The following AGBL4 variants were observed in gnomAD, a reference collection of about 807,000 sequenced individuals.
The protein encoded by AGBL4 is cytosolic carboxypeptidase 6.
A neutral mutation model predicts 66.4 loss-of-function variants in AGBL4; 58 were observed. The ratio of observed to expected loss-of-function variants is 0.87; its 90% CI spans 0.71 to 1.09. The LOEUF is 1.09. Among genes scored for constraint, AGBL4 ranks in the 50% least tolerant of loss-of-function variants. The pLI is 0.00. For synonymous variants in AGBL4, 234 were observed against 222.9 expected, an observed-to-expected ratio of 1.05 and a Z score of -0.44; for missense variants, 579 against 631.0, an observed-to-expected ratio of 0.92 and a Z score of 0.88.
chr1:49,861,271 C>A (rs1031305726), intron 1 of AGBL4, among the ~76,000 whole-genome samples: 1 of 152,124 alleles, frequency 6.6e-6, no homozygotes, highest in African/African-American at 2.4e-5. Context: ...GGAAGGGGCA[C>A]GTGAGATACT....
At chr1:49,539,777 A>C (rs1322445164) in intron 3 of AGBL4, among the ~76,000 whole-genome samples, 1 of 152,210 alleles carries the variant, frequency 6.6e-6, no homozygotes, top group Non-Finnish European at 1.5e-5. Context: ...AAGGCTTGCC[A>C]GAAGAGGAGC....
intron 11 of AGBL4, among the ~76,000 whole-genome samples, chr1:48,561,004 G>T (rs1043694858): frequency 6.6e-6 from 1 of 152,108 alleles, no homozygotes; most frequent in African/African-American, 2.4e-5. Context: ...TAGTGACCCT[G>T]CACCCTGGCC....
At chr1:49,616,022 C>A (rs1645243770) in intron 3 of AGBL4, among the ~76,000 whole-genome samples, 1 of 152,112 alleles carries the variant, frequency 6.6e-6, no homozygotes, top group Non-Finnish European at 1.5e-5. Flanking sequence ...TCTTTACATA[C>A]CCTTTTATAT....
At chr1:49,843,737 ACTATTCTGCCAGTCACC>A (rs919289753) in intron 2 of AGBL4, among the ~76,000 whole-genome samples, 5 of 152,210 alleles carry the variant, frequency 3.3e-5, no homozygotes, top group African/African-American at 4.8e-5. Context: ...TTGGGAAGCC[ACTATTCTGCCAGTCACC>A]CCTGGCTTAC....
intron 6 of AGBL4, among the ~76,000 whole-genome samples, chr1:48,830,181 G>T (rs925619883): frequency 1.3e-5 from 2 of 152,116 alleles, no homozygotes; most frequent in African/African-American, 2.4e-5. Context: ...TTTTTGCTGC[G>T]CCTCAGTCGT....
chr1:48,950,011 A>G (rs1656832360), intron 5 of AGBL4, among the ~76,000 whole-genome samples: 1 of 152,208 alleles, frequency 6.6e-6, no homozygotes, highest in Non-Finnish European at 1.5e-5. Context: ...TGAGTCCAGC[A>G]TATTATAACA....
intron 6 of AGBL4, among the ~76,000 whole-genome samples, chr1:48,750,169 A>G (rs1179728235): frequency 6.6e-6 from 1 of 152,122 alleles, no homozygotes; most frequent in East Asian, 1.9e-4. Context: ...CTGTTGATTG[A>G]TTTGCCTGAC....
At chr1:49,932,891 A>G (rs1653509656) in intron 1 of AGBL4, among the ~76,000 whole-genome samples, 1 of 152,194 alleles carries the variant, frequency 6.6e-6, no homozygotes, top group African/African-American at 2.4e-5. Context: ...AATAGTTTAA[A>G]AAGAGTCAAG....
At chr1:49,650,125 T>C (rs1225499419) in intron 3 of AGBL4, among the ~76,000 whole-genome samples, 3 of 152,284 alleles carry the variant, frequency 2.0e-5, no homozygotes, top group Middle Eastern at 3.4e-3. Flanking sequence ...GTTCTTTTTT[T>C]CCCCAAGATG....
At chr1:49,949,973 T>C (rs141076143) in intron 1 of AGBL4, among the ~76,000 whole-genome samples, 2,120 of 145,580 alleles carry the variant, frequency 0.015, 46 homozygotes, top group African/African-American at 0.045. Context: ...TATATATATA[T>C]ACACACATAT....
intron 6 of AGBL4, chr1:48,776,730 G>A: frequency 1.3e-6 from 2 of 1,528,452 alleles, no homozygotes. Context: ...ACACCTTCTG[G>A]TTGTCAAAAT....
intron 6 of AGBL4, among the ~76,000 whole-genome samples, chr1:48,830,518 TC>T (rs1646526373): frequency 6.6e-6 from 1 of 152,176 alleles, no homozygotes; most frequent in African/African-American, 2.4e-5. Context: ...GGGGACCAAT[TC>T]CCCCGATTTT....
At chr1:49,580,643 A>G (rs1558072316) in intron 3 of AGBL4, among the ~76,000 whole-genome samples, 1 of 152,136 alleles carries the variant, frequency 6.6e-6, no homozygotes, top group African/African-American at 2.4e-5. Flanking sequence ...TTCATTTATG[A>G]AGCATTCTCT....
chr1:48,558,441 G>A (rs541729078), intron 11 of AGBL4, among the ~76,000 whole-genome samples: 26 of 152,174 alleles, frequency 1.7e-4, no homozygotes, highest in Non-Finnish European at 3.2e-4. Flanking sequence ...TGACTCAGGA[G>A]GAGCTGACTC....
chr1:49,025,418 T>A (rs1663580970), intron 5 of AGBL4, among the ~76,000 whole-genome samples: 1 of 152,106 alleles, frequency 6.6e-6, no homozygotes, highest in South Asian at 2.1e-4. Flanking sequence ...AGAAGGCCAA[T>A]AAACAGGATG....
intron 6 of AGBL4, among the ~76,000 whole-genome samples, chr1:48,811,932 A>G (rs2148758254): frequency 6.6e-6 from 1 of 152,242 alleles, no homozygotes; most frequent in East Asian, 1.9e-4. Flanking sequence ...AAGATAAGGA[A>G]CCGTTCAGCA....
chr1:48,681,564 T>C (rs947937036), intron 6 of AGBL4, among the ~76,000 whole-genome samples: 1 of 152,196 alleles, frequency 6.6e-6, no homozygotes, highest in African/African-American at 2.4e-5. Flanking sequence ...ACGGTTTCTT[T>C]GGGAAGCTCT....
intron 1 of AGBL4, among the ~76,000 whole-genome samples, chr1:49,915,656 G>C (rs1557575309): frequency 6.6e-6 from 1 of 152,180 alleles, no homozygotes; most frequent in Admixed American, 6.5e-5. Context: ...CCACCTCTTG[G>C]GGCAAGGGCA....
chr1:49,935,224 C>T (rs900743501), intron 1 of AGBL4, among the ~76,000 whole-genome samples: 11 of 152,242 alleles, frequency 7.2e-5, no homozygotes, highest in African/African-American at 2.7e-4. Flanking sequence ...CAGAGTCTCG[C>T]TGATTGCTAG....
Sources: gnomAD v4.1 joint callset for allele counts (sites outside exome capture counted in the v4.1 genomes callset) on GRCh38, gnomAD v4.1.1 for gene constraint, MANE v1.5 for transcripts, NCBI Gene and HGNC (gene_info 2026-07-23, HGNC 2026-07-21) for gene names.